The following EAF2 variants were observed in gnomAD, a reference collection of about 807,000 sequenced individuals.
EAF2 encodes ELL associated factor 2, also known as ELL-associated factor 2.
EAF2 carries 29 observed loss-of-function variants against 29.4 expected under a neutral mutation model. The ratio of observed to expected loss-of-function variants is 0.99; its 90% confidence interval spans 0.73 to 1.35. The LOEUF is 1.35. Ranked by LOEUF, EAF2 falls within the 40% of genes most tolerant of loss-of-function variation. The pLI is 0.00. For missense variants in EAF2, 292 were observed against 312.0 expected, an observed-to-expected ratio of 0.94 and a Z score of 0.48; for synonymous variants, 103 against 102.5, an observed-to-expected ratio of 1.00 and a Z score of -0.03.
chr3:121,838,508 G>A (rs553556229), intron 1 of EAF2, among the ~76,000 whole-genome samples: 1 of 152,174 alleles, frequency 6.6e-6, no homozygotes, highest in South Asian at 2.1e-4. Flanking sequence ...TGATATAATG[G>A]GTAATAAAGA....
intron 1 of EAF2, among the ~76,000 whole-genome samples, chr3:121,840,213 C>G (rs1221582286): frequency 8.3e-6 from 1 of 120,806 alleles, no homozygotes; most frequent in Non-Finnish European, 1.7e-5. Flanking sequence ...AAAAAAAAAG[C>G]CAGGCGCGGT....
chr3:121,869,652 G>C (rs989887685), intron 4 of EAF2, among the ~76,000 whole-genome samples: 4 of 152,098 alleles, frequency 2.6e-5, no homozygotes, highest in African/African-American at 9.7e-5. Flanking sequence ...CAAGGCAAGA[G>C]GGTTGCTTGA....
chr3:121,849,295 C>G (rs1393911079), intron 2 of EAF2, among the ~76,000 whole-genome samples: 1 of 151,968 alleles, frequency 6.6e-6, no homozygotes, highest in Non-Finnish European at 1.5e-5. Context: ...TTCCATTTGT[C>G]TTAGGTTTCT....
chr3:121,886,465 C>A lies in EAF2; in HGVS notation c.*77C>A, dbSNP rs1709286561. On this transcript the variant is annotated 3_prime_UTR_variant, in exon 6 of 6. Transcript: ENST00000273668. ...GTATTAACAATAAAAATTCCTAAGA[C>A]TGAGGGAAATATGTCTTAACTTTTG... 1 of 830,286 alleles carries A rather than the reference C, an allele frequency of 1.2e-6. No individual in the cohort carries two copies. Among genetic ancestry groups the A allele is most frequent in the Non-Finnish European group, 1.7e-6 (1 of 581,292 alleles). The allele number at this position is 830,286 out of a possible 1,614,324, so 51.4% of individuals were successfully genotyped here.
At chr3:121,835,513 A>T in intron 1 of EAF2, 122 bp downstream of exon 1, 9 of 847,788 alleles carry the variant, frequency 1.1e-5, no homozygotes, top group East Asian at 2.7e-5. Context: ...CGGGGCGGGG[A>T]GGGGGGAGGC....
chr3:121,844,439 G>C lies in EAF2; in HGVS notation c.107-14G>C. The C allele has an allele frequency of 6.5e-7, 1 of 1,532,036 alleles. No individual in the cohort carries two copies. The highest frequency in any genetic ancestry group is 8.9e-7 in the Non-Finnish European group (1 of 1,118,068). The allele number at this position is 1,532,036 out of a possible 1,614,324, so 94.9% of individuals were successfully genotyped here. A position where few individuals can be genotyped will look rare whatever the true frequency, so the allele number is the denominator to read the frequency against. On this transcript the variant is annotated splice_polypyrimidine_tract_variant and intron_variant, in intron 1 of 5. Coordinates refer to ENST00000273668, the MANE Select transcript of EAF2 (RefSeq NM_018456.6). ...TTACATTTTACAAAAATTGGTATTT[G>C]TATCTATTTTTAGATGACTTCAAAC...
At chr3:121,875,991 G>T (rs962590654) in intron 5 of EAF2, among the ~76,000 whole-genome samples, 2 of 151,912 alleles carry the variant, frequency 1.3e-5, no homozygotes, top group Non-Finnish European at 2.9e-5. Flanking sequence ...GGAAGTCCAA[G>T]AAAGAATGGA....
chr3:121,874,121 G>A (rs1709060399), intron 5 of EAF2, among the ~76,000 whole-genome samples: 1 of 151,684 alleles, frequency 6.6e-6, no homozygotes. Flanking sequence ...AAGGCATGCA[G>A]GTTGGTATTA....
intron 5 of EAF2, 52 bp downstream of exon 5, chr3:121,872,840 C>A: frequency 1.3e-6 from 2 of 1,569,202 alleles, no homozygotes; most frequent in Admixed American, 1.9e-5. Context: ...TATAGTGGAG[C>A]CATATTGATT....
chr3:121,860,121 G>T (rs567655880), intron 4 of EAF2, among the ~76,000 whole-genome samples: 1 of 152,278 alleles, frequency 6.6e-6, no homozygotes, highest in African/African-American at 2.4e-5. Flanking sequence ...AGGGATACTG[G>T]TCTAAAATTC....
In EAF2 at chr3:121,854,794, C is replaced by T. The variant is rs368625178; in HGVS notation, c.309C>T (p.Leu103=). 3 of 1,571,934 alleles carry T rather than the reference C, an allele frequency of 1.9e-6. No homozygotes were observed. Among genetic ancestry groups the T allele is most frequent in the South Asian group, 1.2e-5 (1 of 81,630 alleles). ...CTGGAGAATGTCGGCTAGAAAAACT[C>T]AGCAGCAACATCACTGTAAAAAAAA... ...HDTGECRLEK[L]SSNITVKKTR... Residue 103 remains leucine (L), a synonymous_variant, in exon 3 of 6, where the codon CTC becomes CTT. Coordinates refer to ENST00000273668, the MANE Select transcript of EAF2 (RefSeq NM_018456.6).
At chr3:121,840,887 C>T (rs891629684) in intron 1 of EAF2, among the ~76,000 whole-genome samples, 1 of 149,558 alleles carries the variant, frequency 6.7e-6, no homozygotes, top group Non-Finnish European at 1.5e-5. Flanking sequence ...GTAAATGCTA[C>T]AGGAATGGAG....
At chr3:121,855,930 G>T (rs950456781) in intron 3 of EAF2, among the ~76,000 whole-genome samples, 1 of 152,168 alleles carries the variant, frequency 6.6e-6, no homozygotes, top group African/African-American at 2.4e-5. Flanking sequence ...CATTAATTCA[G>T]TAGAGAAACT....
chr3:121,876,628 T>C (rs1249875929), intron 5 of EAF2, among the ~76,000 whole-genome samples: 1 of 152,004 alleles, frequency 6.6e-6, no homozygotes, highest in Non-Finnish European at 1.5e-5. Context: ...AGTTTAAGTA[T>C]GCTGAGATCC....
intron 4 of EAF2, among the ~76,000 whole-genome samples, chr3:121,866,913 A>C (rs1033689163): frequency 6.6e-6 from 1 of 152,228 alleles, no homozygotes; most frequent in Non-Finnish European, 1.5e-5. Flanking sequence ...TCGTTCAGTT[A>C]TACATTCCCT....
At chr3:121,839,181 A>G (rs1227659494) in intron 1 of EAF2, among the ~76,000 whole-genome samples, 1 of 152,186 alleles carries the variant, frequency 6.6e-6, no homozygotes, top group East Asian at 1.9e-4. Context: ...AGTTGCAAAT[A>G]CCTAACATTC....
rs370914121 is a variant in EAF2 at position 121,835,614 on chromosome 3, T to C, written c.106+223T>C. Among the ~76,000 whole-genome samples the C allele has an allele frequency of 3.3e-5, 5 of 151,942 alleles. No homozygotes were observed. In the East Asian group the frequency reaches 9.7e-4, roughly 29 times the overall value. Reference sequence around the variant, plus strand: ...GTGGGTAAACCCTGGACAGAGAGCGTTGAGACCAGCAGACAGGAAGGGAAA... The same window carrying C: ...GTGGGTAAACCCTGGACAGAGAGCGCTGAGACCAGCAGACAGGAAGGGAAA... On this transcript the variant is annotated intron_variant, in intron 1 of 5. Transcript: ENST00000273668.
chr3:121,851,740 G>C (rs1708635904), intron 2 of EAF2, among the ~76,000 whole-genome samples: 1 of 120,320 alleles, frequency 8.3e-6, no homozygotes, highest in Non-Finnish European at 1.8e-5. Context: ...TCACAGAATG[G>C]GGAACAAAAT....
chr3:121,840,386 G>T (rs1708390577), intron 1 of EAF2, among the ~76,000 whole-genome samples: 1 of 150,096 alleles, frequency 6.7e-6, no homozygotes, highest in Non-Finnish European at 1.5e-5. Context: ...AGCCACTCAG[G>T]AGGCTGAGGC....
Sources: allele counts gnomAD v4.1 joint callset (sites outside exome capture counted in the v4.1 genomes callset), GRCh38; gene constraint gnomAD v4.1.1; transcripts MANE v1.5; gene names NCBI Gene and HGNC (gene_info 2026-07-23, HGNC 2026-07-21).